The following TAFA2 variants were observed in gnomAD, a reference collection of about 807,000 sequenced individuals.
The protein encoded by TAFA2 is TAFA chemokine like family member 2.
TAFA2 carries 7 observed loss-of-function variants against 18.8 expected under a neutral mutation model. The observed-to-expected ratio is 0.37, with a 90% CI of 0.21 to 0.70. The LOEUF (loss-of-function observed/expected upper bound fraction) is 0.70, where lower values mean the gene tolerates loss of function less well. TAFA2 is among the 30% of genes least tolerant of loss of function. The probability of loss-of-function intolerance (pLI) is 0.53; values close to 1 mark genes in which losing one functional copy is unlikely to be tolerated. For synonymous variants in TAFA2, 60 were observed against 54.2 expected (o/e 1.11, Z -0.47); for missense variants, 122 against 158.1 (o/e 0.77, Z 1.23).
At chr12:61,750,172 T>C (rs1181882507) in intron 4 of TAFA2, among the ~76,000 whole-genome samples, 1 of 152,164 alleles carries the variant, frequency 6.6e-6, no homozygotes, top group Non-Finnish European at 1.5e-5. Flanking sequence ...GATGATTCTT[T>C]TATTAATGAC....
intron 1 of TAFA2, among the ~76,000 whole-genome samples, chr12:62,119,269 TATA>T (rs1870094204): frequency 6.6e-6 from 1 of 152,148 alleles, no homozygotes; most frequent in Admixed American, 6.6e-5. Context: ...TAATTAGTTA[TATA>T]ATGTTTTCTT....
chr12:62,167,119 AAG>A (rs2062446161), intron 1 of TAFA2, among the ~76,000 whole-genome samples: 1 of 152,122 alleles, frequency 6.6e-6, no homozygotes, highest in African/African-American at 2.4e-5. Context: ...TCAGTTATCT[AAG>A]GTATTGGACA....
intron 1 of TAFA2, among the ~76,000 whole-genome samples, chr12:61,872,019 G>A (rs1272165804): frequency 6.6e-6 from 1 of 152,134 alleles, no homozygotes; most frequent in Admixed American, 6.5e-5. Flanking sequence ...ACGAACCCGG[G>A]AGGTAGAGCT....
chr12:62,041,338 TC>T (rs1367009092), intron 1 of TAFA2, among the ~76,000 whole-genome samples: 4 of 152,150 alleles, frequency 2.6e-5, no homozygotes, highest in Admixed American at 1.3e-4. Flanking sequence ...AAACTCATAT[TC>T]TTTGCATGGC....
At chr12:62,210,500 T>A (rs1008350331) in intron 1 of TAFA2, among the ~76,000 whole-genome samples, 2 of 152,214 alleles carry the variant, frequency 1.3e-5, no homozygotes, top group Admixed American at 1.3e-4. Context: ...AAATTCCTTA[T>A]GCGCTTTGGC....
At chr12:61,873,393 T>C (rs1336884817) in intron 1 of TAFA2, among the ~76,000 whole-genome samples, 1 of 152,042 alleles carries the variant, frequency 6.6e-6, no homozygotes, top group Non-Finnish European at 1.5e-5. Context: ...GCTGGTGTGC[T>C]GCTCTTTCAA....
intron 1 of TAFA2, among the ~76,000 whole-genome samples, chr12:62,041,597 G>A (rs1480542073): frequency 6.6e-6 from 1 of 152,074 alleles, no homozygotes; most frequent in African/African-American, 2.4e-5. Context: ...GGCTTTTCTG[G>A]TCAGGTGAAC....
At chr12:61,763,056 T>A (rs191803966) in intron 2 of TAFA2, among the ~76,000 whole-genome samples, 1 of 152,166 alleles carries the variant, frequency 6.6e-6, no homozygotes, top group Non-Finnish European at 1.5e-5. Flanking sequence ...CTTTAATTCA[T>A]TAGAATGGGA....
At chr12:62,027,724 A>G (rs1040210002) in intron 1 of TAFA2, among the ~76,000 whole-genome samples, 5 of 152,150 alleles carry the variant, frequency 3.3e-5, no homozygotes, top group Admixed American at 2.6e-4. Flanking sequence ...GCAGCAGATT[A>G]TATTTCCCTT....
At chr12:61,824,264 A>T (rs989964948) in intron 2 of TAFA2, among the ~76,000 whole-genome samples, 7 of 152,180 alleles carry the variant, frequency 4.6e-5, no homozygotes, top group Admixed American at 1.3e-4. Context: ...CCCAGCCAAC[A>T]TGTGAGTTGC....
intron 1 of TAFA2, among the ~76,000 whole-genome samples, chr12:61,959,794 T>C (rs575677322): frequency 1.8e-4 from 28 of 152,242 alleles, no homozygotes; most frequent in African/African-American, 5.1e-4. Flanking sequence ...GACATATCTT[T>C]ATCTTTTATT....
chr12:62,189,627 A>G (rs952172480), intron 1 of TAFA2, among the ~76,000 whole-genome samples: 1 of 152,188 alleles, frequency 6.6e-6, no homozygotes, highest in Admixed American at 6.5e-5. Context: ...AATAATCTTA[A>G]TCTTCTGATT....
chr12:61,833,051 TATAAATAAATATATATAC>T (rs1336623156), intron 2 of TAFA2, among the ~76,000 whole-genome samples: 62 of 147,236 alleles, frequency 4.2e-4, no homozygotes, highest in African/African-American at 1.3e-3. Context: ...ATATATAATG[TATAAATAAATATATATAC>T]ATATATAAAT....
At chr12:62,014,887 T>C (rs751381370) in intron 1 of TAFA2, among the ~76,000 whole-genome samples, 2 of 152,112 alleles carry the variant, frequency 1.3e-5, no homozygotes, top group South Asian at 2.1e-4. Flanking sequence ...CCTTCAATGA[T>C]AGGACAGGCA....
chr12:62,069,615 A>G (rs1385332434), intron 1 of TAFA2, among the ~76,000 whole-genome samples: 6 of 152,190 alleles, frequency 3.9e-5, no homozygotes, highest in Non-Finnish European at 5.9e-5. Context: ...GTTCAAAAGA[A>G]CCAGAAAACA....
At chr12:61,980,658 C>A (rs1252789334) in intron 1 of TAFA2, among the ~76,000 whole-genome samples, 1 of 152,126 alleles carries the variant, frequency 6.6e-6, no homozygotes, top group Non-Finnish European at 1.5e-5. Context: ...TCCTATACAC[C>A]ATTAACAGAC....
chr12:61,789,715 A>G (rs192961037), intron 2 of TAFA2, among the ~76,000 whole-genome samples: 46 of 151,984 alleles, frequency 3.0e-4, no homozygotes, highest in Non-Finnish European at 5.3e-4. Context: ...TAATTATAGC[A>G]TCTATTACAG....
At chr12:62,019,345 A>G (rs750376780) in intron 1 of TAFA2, among the ~76,000 whole-genome samples, 3 of 151,420 alleles carry the variant, frequency 2.0e-5, no homozygotes, top group Non-Finnish European at 2.9e-5. Context: ...AAAGGATTAT[A>G]AATCACGCTG....
chr12:61,973,878 CA>C (rs1179840985), intron 1 of TAFA2, among the ~76,000 whole-genome samples: 4 of 151,588 alleles, frequency 2.6e-5, no homozygotes, highest in Non-Finnish European at 5.9e-5. Flanking sequence ...AAAATGCAGC[CA>C]AGTTTGAGAA....
Sources: gnomAD v4.1 joint callset for allele counts (sites outside exome capture counted in the v4.1 genomes callset) on GRCh38, gnomAD v4.1.1 for gene constraint, MANE v1.5 for transcripts, NCBI Gene and HGNC (gene_info 2026-07-23, HGNC 2026-07-21) for gene names.